Variants in TMEM38B observed in about 807,000 individuals in gnomAD.
TMEM38B encodes the protein transmembrane protein 38B, also known as trimeric intracellular cation channel type B.
In TMEM38B, 24 loss-of-function variants were observed where a neutral mutation model predicts 28.7. The observed-to-expected ratio is 0.84, with a 90% CI of 0.61 to 1.18. TMEM38B has a LOEUF of 1.18. Ranked by LOEUF, TMEM38B falls within the 50% of genes most tolerant of loss-of-function variation. TMEM38B has a pLI of 0.00. For missense variants in TMEM38B, 380 were observed against 350.9 expected (o/e 1.08, Z -0.66); for synonymous variants, 131 against 127.7 (o/e 1.03, Z -0.17).
At chr9:105,720,431 C>T (rs1836275701) in intron 2 of TMEM38B, among the ~76,000 whole-genome samples, 1 of 151,918 alleles carries the variant, frequency 6.6e-6, no homozygotes, top group Non-Finnish European at 1.5e-5. Context: ...AGAATGTAGT[C>T]TGAGCTGAGA....
At chr9:105,716,853 G>A (rs10978216) in intron 2 of TMEM38B, among the ~76,000 whole-genome samples, 64,981 of 151,924 alleles carry the variant, frequency 0.43, 16,024 homozygotes, top group African/African-American at 0.68. Flanking sequence ...TCAGGGACAG[G>A]TAGGTGACAG....
intron 4 of TMEM38B, among the ~76,000 whole-genome samples, chr9:105,736,080 G>C (rs1001887480): frequency 6.7e-6 from 1 of 149,958 alleles, no homozygotes; most frequent in Non-Finnish European, 1.5e-5. Flanking sequence ...GGTAGAGATA[G>C]GATCTCACTA....
chr9:105,744,446 C>G (rs2133611458), intron 4 of TMEM38B, among the ~76,000 whole-genome samples: 1 of 152,140 alleles, frequency 6.6e-6, no homozygotes, highest in African/African-American at 2.4e-5. Flanking sequence ...GATCGTAGCA[C>G]TGTCTACGTA....
At chr9:105,739,625 A>G (rs569633029) in intron 4 of TMEM38B, among the ~76,000 whole-genome samples, 1 of 152,128 alleles carries the variant, frequency 6.6e-6, no homozygotes, top group Admixed American at 6.5e-5. Flanking sequence ...CCTGGGTTCA[A>G]GTGATTCTCC....
chr9:105,716,888 A>G (rs1310847370), intron 2 of TMEM38B, among the ~76,000 whole-genome samples: 1 of 152,208 alleles, frequency 6.6e-6, no homozygotes. Context: ...AATACATATG[A>G]CATAAAAAAA....
chr9:105,721,815 ATACT>A, intron 3 of TMEM38B, 94 bp downstream of exon 3: 2 of 970,154 alleles, frequency 2.1e-6, no homozygotes, highest in Non-Finnish European at 2.9e-6. Context: ...AATGGATCAC[ATACT>A]TTAATAACAG....
intron 4 of TMEM38B, among the ~76,000 whole-genome samples, chr9:105,741,662 C>T (rs1837213158): frequency 1.3e-5 from 2 of 152,144 alleles, no homozygotes; most frequent in African/African-American, 4.8e-5. Flanking sequence ...GATGTTTTTG[C>T]TGAGGAAATT....
intron 5 of TMEM38B, chr9:105,760,176 AATGCGT>A: frequency 1.1e-6 from 1 of 915,160 alleles, no homozygotes; most frequent in Admixed American, 1.7e-5. Flanking sequence ...TTCAACTTTT[AATGCGT>A]ATGATTTCCC....
intron 5 of TMEM38B, chr9:105,759,545 A>G (rs1349179951): frequency 2.6e-6 from 4 of 1,561,790 alleles, no homozygotes; most frequent in Admixed American, 1.7e-5. Context: ...GGTATGCATG[A>G]TCTGTCCTCT....
Position 105,694,647 on chromosome 9 carries a change from G to A in TMEM38B, c.-14G>A, listed in dbSNP as rs573853244. 4.4e-6 allele frequency: 7 copies of A among 1,609,064 alleles called. No homozygotes were observed. The highest frequency in any genetic ancestry group is 6.0e-6 in the Non-Finnish European group (7 of 1,175,810). On this transcript the variant is annotated 5_prime_UTR_variant, in exon 1 of 6. Transcript: ENST00000374692. ...TAGCCGCGGCTGCTTCGGTTGCCGCGGTCGGTGGTCGTTATGGATTCTCCA... is the reference window on the plus strand; with the variant it reads ...TAGCCGCGGCTGCTTCGGTTGCCGCAGTCGGTGGTCGTTATGGATTCTCCA...
intron 2 of TMEM38B, among the ~76,000 whole-genome samples, chr9:105,706,248 C>T (rs1564386677): frequency 6.6e-6 from 1 of 152,128 alleles, no homozygotes; most frequent in Non-Finnish European, 1.5e-5. Flanking sequence ...TTTATTTTCC[C>T]TTATCTTCTC....
chr9:105,729,262 G>A (rs1352934795), intron 4 of TMEM38B, among the ~76,000 whole-genome samples: 1 of 152,150 alleles, frequency 6.6e-6, no homozygotes, highest in Non-Finnish European at 1.5e-5. Context: ...TTTGTATAAG[G>A]TGTAAGGAAG....
At chr9:105,737,660 A>G (rs1837037461) in intron 4 of TMEM38B, among the ~76,000 whole-genome samples, 1 of 152,150 alleles carries the variant, frequency 6.6e-6, no homozygotes, top group African/African-American at 2.4e-5. Context: ...AGGGTGGTTC[A>G]GCTCAACCAA....
chr9:105,715,735 T>C (rs192462744), intron 2 of TMEM38B, among the ~76,000 whole-genome samples: 2 of 152,238 alleles, frequency 1.3e-5, no homozygotes, highest in Admixed American at 1.3e-4. Flanking sequence ...CTCTCCTGAG[T>C]GTTGAATCTT....
intron 1 of TMEM38B, among the ~76,000 whole-genome samples, chr9:105,698,380 A>G (rs952291265): frequency 6.6e-6 from 1 of 152,084 alleles, no homozygotes; most frequent in East Asian, 1.9e-4. Context: ...ACTTTAAGGA[A>G]GTTTTACTTT....
intron 3 of TMEM38B, among the ~76,000 whole-genome samples, chr9:105,722,322 C>T (rs532376283): frequency 1.3e-5 from 2 of 152,022 alleles, no homozygotes; most frequent in Non-Finnish European, 2.9e-5. Flanking sequence ...GCCCGAGGCC[C>T]CAGTTTTAAC....
chr9:105,716,158 C>T (rs1836089800), intron 2 of TMEM38B, among the ~76,000 whole-genome samples: 1 of 152,084 alleles, frequency 6.6e-6, no homozygotes, highest in Non-Finnish European at 1.5e-5. Flanking sequence ...AGGTTTGATT[C>T]TTCCCAGTTT....
At chr9:105,709,481 C>A (rs1054587037) in intron 2 of TMEM38B, among the ~76,000 whole-genome samples, 1 of 152,070 alleles carries the variant, frequency 6.6e-6, no homozygotes, top group African/African-American at 2.4e-5. Flanking sequence ...ACATCTCAAA[C>A]AAGACAATTA....
chr9:105,760,145 C>T (rs1244230593), intron 5 of TMEM38B: 39 of 877,212 alleles, frequency 4.4e-5, no homozygotes, highest in African/African-American at 9.9e-5. Context: ...TTGTTACTTC[C>T]GCCACCAAAT....
Sources: allele counts gnomAD v4.1 joint callset (sites outside exome capture counted in the v4.1 genomes callset), GRCh38; gene constraint gnomAD v4.1.1; transcripts MANE v1.5; gene names NCBI Gene and HGNC (gene_info 2026-07-23, HGNC 2026-07-21).